ESRRG: variants seen among roughly 807,000 people sequenced by gnomAD.
ESRRG encodes estrogen-related receptor gamma.
In ESRRG, 13 loss-of-function variants were observed where a neutral mutation model predicts 44.0. That is an observed-to-expected ratio of 0.30 (90% CI 0.19 to 0.47). The LOEUF is 0.47. Among genes scored for constraint, ESRRG ranks in the 20% least tolerant of loss-of-function variants. The pLI, the probability that ESRRG is intolerant of heterozygous loss-of-function variation, is 1.00. For missense variants in ESRRG, 395 were observed against 580.6 expected, an observed-to-expected ratio of 0.68 and a Z score of 3.29; for synonymous variants, 215 against 214.6, an observed-to-expected ratio of 1.00 and a Z score of -0.02.
At chr1:216,811,904 A>C (rs979735700) in intron 2 of ESRRG, among the ~76,000 whole-genome samples, 1 of 152,210 alleles carries the variant, frequency 6.6e-6, no homozygotes, top group Non-Finnish European at 1.5e-5. Context: ...ATGGTGTTTA[A>C]GCTATTCAGG....
At chr1:216,830,613 A>G (rs1349307959) in intron 2 of ESRRG, among the ~76,000 whole-genome samples, 1 of 152,156 alleles carries the variant, frequency 6.6e-6, no homozygotes, top group East Asian at 1.9e-4. Flanking sequence ...TGTAAGATGC[A>G]GGATCTTGGC....
chr1:216,915,431 C>T (rs1026551644), intron 2 of ESRRG, among the ~76,000 whole-genome samples: 3 of 152,128 alleles, frequency 2.0e-5, no homozygotes, highest in Non-Finnish European at 4.4e-5. Context: ...CTTAAGGAGG[C>T]TGCAGATGGG....
intron 6 of ESRRG, among the ~76,000 whole-genome samples, chr1:216,514,367 G>T (rs2043559943): frequency 6.6e-6 from 1 of 152,016 alleles, no homozygotes; most frequent in African/African-American, 2.4e-5. Context: ...ATTACTTATG[G>T]TTTGTTCTGG....
At chr1:216,685,378 A>G (rs1236450808) in intron 1 of ESRRG, among the ~76,000 whole-genome samples, 1 of 152,208 alleles carries the variant, frequency 6.6e-6, no homozygotes, top group African/African-American at 2.4e-5. Context: ...TTTCTAGGGG[A>G]AAGCAATAGT....
At chr1:216,633,348 C>A (rs2064637692) in intron 3 of ESRRG, among the ~76,000 whole-genome samples, 1 of 152,182 alleles carries the variant, frequency 6.6e-6, no homozygotes, top group Admixed American at 6.5e-5. Flanking sequence ...CAGGCTCCAA[C>A]TAGTTCAGGT....
At chr1:216,533,040 C>T (rs2049875723) in intron 5 of ESRRG, among the ~76,000 whole-genome samples, 1 of 152,038 alleles carries the variant, frequency 6.6e-6, no homozygotes, top group Non-Finnish European at 1.5e-5. Flanking sequence ...GACTTGTTTT[C>T]ACTATCTTTT....
chr1:216,899,571 T>A, intron 2 of ESRRG, among the ~76,000 whole-genome samples: 1 of 152,184 alleles, frequency 6.6e-6, no homozygotes, highest in East Asian at 1.9e-4. Context: ...TCTGCTAACA[T>A]TCCTCTCTGA....
At position 216,752,318 on chromosome 1, in the gene ESRRG, G is replaced by T. The variant is rs574669012; in HGVS notation, c.-13-74827C>A. 4.6e-5 allele frequency among the ~76,000 whole-genome samples: 7 copies of T among 152,062 alleles called. No individual in the cohort carries two copies. The East Asian group carries it at 1.2e-3, about 25-fold the overall frequency. On this transcript the variant is annotated intron_variant, in intron 2 of 7. Coordinates refer to the ESRRG transcript ENST00000359162. Reference sequence around the variant, plus strand: ...ACATTTCATTTCCATTTTCTGAAAGGTTCTATCAATGGAAATTACGGGTGC... The same window carrying T: ...ACATTTCATTTCCATTTTCTGAAAGTTTCTATCAATGGAAATTACGGGTGC...
chr1:216,514,343 A>T (rs1323248216), intron 6 of ESRRG, among the ~76,000 whole-genome samples: 2 of 152,130 alleles, frequency 1.3e-5, no homozygotes, highest in Admixed American at 6.5e-5. Flanking sequence ...TTGATTTCTT[A>T]TTTACCTGAT....
intron 1 of ESRRG, among the ~76,000 whole-genome samples, chr1:217,062,332 G>A (rs1347025488): frequency 6.6e-6 from 1 of 152,124 alleles, no homozygotes; most frequent in Non-Finnish European, 1.5e-5. Context: ...GAGTGAGAAG[G>A]ATGAAAAGCT....
At chr1:217,100,124 T>G (rs538460690) in intron 1 of ESRRG, among the ~76,000 whole-genome samples, 1 of 152,370 alleles carries the variant, frequency 6.6e-6, no homozygotes, top group Non-Finnish European at 1.5e-5. Context: ...ATTACTTTAG[T>G]GATCCTGAGA....
intron 5 of ESRRG, among the ~76,000 whole-genome samples, chr1:216,551,736 T>A (rs766500705): frequency 6.6e-6 from 1 of 152,188 alleles, no homozygotes; most frequent in South Asian, 2.1e-4. Context: ...ACATGGTATG[T>A]TCAAAGATGC....
chr1:216,895,022 G>A (rs1402879278), intron 2 of ESRRG, among the ~76,000 whole-genome samples: 1 of 152,000 alleles, frequency 6.6e-6, no homozygotes, highest in African/African-American at 2.4e-5. Context: ...AATTTGTGTG[G>A]ACAAACCATG....
chr1:217,054,777 G>A (rs564732377), intron 1 of ESRRG, among the ~76,000 whole-genome samples: 3 of 152,072 alleles, frequency 2.0e-5, no homozygotes, highest in African/African-American at 7.2e-5. Context: ...AAAAAACACA[G>A]ATGAGAAATC....
intron 1 of ESRRG, among the ~76,000 whole-genome samples, chr1:216,989,447 A>C (rs1414418760): frequency 2.0e-5 from 3 of 150,224 alleles, no homozygotes; most frequent in Non-Finnish European, 4.4e-5. Flanking sequence ...AAAAAAAAAA[A>C]AAACACAGTG....
chr1:216,848,029 T>C (rs1370350365), intron 2 of ESRRG, among the ~76,000 whole-genome samples: 1 of 152,284 alleles, frequency 6.6e-6, no homozygotes, highest in South Asian at 2.1e-4. Flanking sequence ...TGTGGGAGGC[T>C]GTCCTGTGCA....
chr1:217,113,939 G>A (rs572272418), intron 1 of ESRRG, among the ~76,000 whole-genome samples: 84 of 152,054 alleles, frequency 5.5e-4, no homozygotes, highest in Non-Finnish European at 1.0e-3. Flanking sequence ...GCTTCAGTGA[G>A]CTATGAACAC....
chr1:216,823,338 G>A (rs2095334208), intron 2 of ESRRG, among the ~76,000 whole-genome samples: 1 of 152,062 alleles, frequency 6.6e-6, no homozygotes, highest in African/African-American at 2.4e-5. Context: ...TAGAGAAAGA[G>A]GCCACAGTAC....
At chr1:216,593,907 ATTG>A (rs920525690) in intron 3 of ESRRG, among the ~76,000 whole-genome samples, 2 of 151,984 alleles carry the variant, frequency 1.3e-5, no homozygotes, top group Non-Finnish European at 1.5e-5. Flanking sequence ...AATTTTTTTT[ATTG>A]TTGTAGAGAC....
Sources: gnomAD v4.1 joint callset for allele counts (sites outside exome capture counted in the v4.1 genomes callset) on GRCh38, gnomAD v4.1.1 for gene constraint, MANE v1.5 for transcripts, NCBI Gene and HGNC (gene_info 2026-07-23, HGNC 2026-07-21) for gene names.